Variants in PPP2R2B observed in about 807,000 individuals in gnomAD.
PPP2R2B encodes the protein serine/threonine-protein phosphatase 2A 55 kDa regulatory subunit B beta isoform.
Under a neutral mutation model 46.0 loss-of-function variants are expected in PPP2R2B, and 5 were observed. The observed-to-expected ratio is 0.11, with a 90% confidence interval of 0.06 to 0.23. The LOEUF (loss-of-function observed/expected upper bound fraction) is 0.23. Ranked by LOEUF, PPP2R2B falls within the 10% of genes least tolerant of loss-of-function variation. The probability of loss-of-function intolerance (pLI) is 1.00; values close to 1 mark genes in which losing one functional copy is unlikely to be tolerated. For synonymous variants in PPP2R2B, 215 were observed against 206.7 expected, an observed-to-expected ratio of 1.04 and a Z score of -0.34; for missense variants, 367 against 575.0, an observed-to-expected ratio of 0.64 and a Z score of 3.70.
intron 1 of PPP2R2B, among the ~76,000 whole-genome samples, chr5:146,931,684 G>A (rs1005052238): frequency 6.6e-6 from 1 of 152,172 alleles, no homozygotes; most frequent in African/African-American, 2.4e-5. Flanking sequence ...CTGGGGATAA[G>A]TTGGGTGGGT....
At chr5:147,059,113 G>T (rs1445468498), upstream of PPP2R2B, among the ~76,000 whole-genome samples, 2 of 152,128 alleles carry the variant, frequency 1.3e-5, no homozygotes, top group South Asian at 4.1e-4. Flanking sequence ...GATATATCAG[G>T]CTGAGTGATG....
At chr5:146,765,649 A>G (rs1754432169) in intron 2 of PPP2R2B, among the ~76,000 whole-genome samples, 15 of 152,264 alleles carry the variant, frequency 9.9e-5, no homozygotes, top group Admixed American at 9.8e-4. Flanking sequence ...TGGCTCAAAT[A>G]CTTTTATCCA....
At chr5:147,038,386 C>T (rs1159439447) in intron 1 of PPP2R2B, among the ~76,000 whole-genome samples, 1 of 152,016 alleles carries the variant, frequency 6.6e-6, no homozygotes, top group Non-Finnish European at 1.5e-5. Flanking sequence ...TCTCCAGGGC[C>T]TAGAATCAAT....
intron 1 of PPP2R2B, among the ~76,000 whole-genome samples, chr5:146,925,852 C>T (rs1763766052): frequency 6.6e-6 from 1 of 152,096 alleles, no homozygotes. Context: ...TCACCATTCT[C>T]TAGATTGAGT....
chr5:146,599,087 T>C (rs1221932025), intron 8 of PPP2R2B, among the ~76,000 whole-genome samples: 2 of 152,198 alleles, frequency 1.3e-5, no homozygotes, highest in Non-Finnish European at 2.9e-5. Flanking sequence ...TCTCCAGCAC[T>C]TGATCTTTGC....
At chr5:146,820,992 A>G (rs1204974289) in intron 2 of PPP2R2B, among the ~76,000 whole-genome samples, 1 of 152,128 alleles carries the variant, frequency 6.6e-6, no homozygotes, top group Non-Finnish European at 1.5e-5. Flanking sequence ...AGATTAGTGC[A>G]TCGCCTTCTA....
chr5:146,815,462 T>C (rs771712226), intron 2 of PPP2R2B, among the ~76,000 whole-genome samples: 1 of 152,228 alleles, frequency 6.6e-6, no homozygotes, highest in Non-Finnish European at 1.5e-5. Context: ...AGCATCTGAA[T>C]GAATAAATGA....
intron 7 of PPP2R2B, among the ~76,000 whole-genome samples, chr5:146,635,734 TAG>T (rs1774774119): frequency 6.6e-6 from 1 of 152,186 alleles, no homozygotes; most frequent in African/African-American, 2.4e-5. Context: ...GGGAGAGAGT[TAG>T]AGACTTTCCA....
At chr5:146,829,290 C>T (rs1758774601) in intron 2 of PPP2R2B, among the ~76,000 whole-genome samples, 1 of 152,138 alleles carries the variant, frequency 6.6e-6, no homozygotes, top group Non-Finnish European at 1.5e-5. Context: ...ATCTGTGACT[C>T]ATTGGTAAAT....
In PPP2R2B at chr5:146,983,176, A is replaced by ATTTTTTTTTT. The variant is rs745692719; in HGVS notation, c.79+72479_79+72488dup. On this transcript the variant is annotated intron_variant, in intron 1 of 8. Coordinates refer to the PPP2R2B transcript ENST00000336640. ...GTTTATCTATCGTGTTTTCCAGAGC[A>ATTTTTTTTTT]TTTTTTTTTTTTTTTTTTTTTTGAG... 1.0e-3 allele frequency among the ~76,000 whole-genome samples: 84 copies of ATTTTTTTTTT among 80,878 alleles called. 7 individuals carry two copies. Among genetic ancestry groups the ATTTTTTTTTT allele is most frequent in the Non-Finnish European group, 1.3e-3 (57 of 45,402 alleles). 53.1% of individuals were successfully genotyped at this position (80,878 alleles called of 152,430 possible).
intron 1 of PPP2R2B, among the ~76,000 whole-genome samples, chr5:146,917,650 AAT>A (rs1763440834): frequency 6.6e-6 from 1 of 152,182 alleles, no homozygotes; most frequent in South Asian, 2.1e-4. Flanking sequence ...CAAATAAATA[AAT>A]ATGTATCTTC....
At chr5:146,905,643 A>G (rs1762972331) in intron 1 of PPP2R2B, among the ~76,000 whole-genome samples, 2 of 152,256 alleles carry the variant, frequency 1.3e-5, no homozygotes, top group Admixed American at 1.3e-4. Flanking sequence ...ACATCTATAC[A>G]ATGTAATACT....
In PPP2R2B at chr5:146,935,675, G is replaced by A. The variant is rs143714909; in HGVS notation, c.79+119990C>T. Among the ~76,000 whole-genome samples, 614 of 152,184 alleles carry A rather than the reference G, an allele frequency of 4.0e-3. 4 individuals are homozygous for A. The highest frequency in any genetic ancestry group is 6.3e-3 in the Non-Finnish European group (430 of 67,990). On this transcript the variant is annotated intron_variant, in intron 1 of 8. Coordinates refer to the PPP2R2B transcript ENST00000336640. ...CAGGTAAAGGAGGATTGAAAGTAAA[G>A]AGGGCAAGAAAAGAGAAAAAAAGTT...
In PPP2R2B at chr5:146,664,131, C is replaced by T. The variant is rs1049526281; in HGVS notation, c.448-13407G>A. Among the ~76,000 whole-genome samples, 16 of 152,242 alleles carry T rather than the reference C, an allele frequency of 1.1e-4. 1 individual carries two copies. The highest frequency in any genetic ancestry group is 4.2e-4 in the South Asian group (2 of 4,818). ...CTGGGATTACAGGCATGAGCCACCG[C>T]GCCTGGCTGGCTGTTGCAATTTTTA... On this transcript the variant is annotated intron_variant, in intron 5 of 9. Transcript: ENST00000394411.
rs1179706028 is a variant in PPP2R2B at position 146,586,731 on chromosome 5, A to G, written c.*3216T>C. The stretch of plus-strand genomic sequence containing the variant: ...GAGGTTTAAAGGTGCTTTTTTTTCA[A>G]TGGAAGAGTAAAGGCAGGAGCCAAA... On this transcript the variant is annotated 3_prime_UTR_variant, in exon 10 of 10. Transcript: ENST00000394411. 1 of 152,088 alleles carries G rather than the reference A, an allele frequency of 6.6e-6. No individual in the cohort carries two copies. Among genetic ancestry groups the G allele is most frequent in the Non-Finnish European group, 1.5e-5 (1 of 68,014 alleles). 9.4% of individuals were successfully genotyped at this position (152,088 alleles called of 1,614,324 possible). A position where few individuals can be genotyped will look rare whatever the true frequency, so the allele number is the denominator to read the frequency against.
At chr5:146,967,910 G>T (rs1378816653) in intron 1 of PPP2R2B, among the ~76,000 whole-genome samples, 2 of 152,074 alleles carry the variant, frequency 1.3e-5, no homozygotes, top group Admixed American at 1.3e-4. Flanking sequence ...AGCTAGTGAT[G>T]GAAAAGAGGA....
At chr5:146,822,605 C>T (rs1228674955) in intron 2 of PPP2R2B, among the ~76,000 whole-genome samples, 1 of 150,334 alleles carries the variant, frequency 6.7e-6, no homozygotes, top group African/African-American at 2.5e-5. Context: ...ATTTGTTTAC[C>T]ACCCACTCTC....
chr5:146,620,036 T>A (rs79014757), intron 7 of PPP2R2B, among the ~76,000 whole-genome samples: 2,723 of 152,254 alleles, frequency 0.018, 69 homozygotes, highest in African/African-American at 0.062. Context: ...CCGGGCACCA[T>A]CTAGGGTAAG....
At chr5:146,857,325 C>T (rs936166193) in intron 2 of PPP2R2B, among the ~76,000 whole-genome samples, 8 of 151,920 alleles carry the variant, frequency 5.3e-5, no homozygotes, top group African/African-American at 9.7e-5. Context: ...TCAAAATAAA[C>T]GTGTAAGATT....
Sources: gnomAD v4.1 joint callset for allele counts (sites outside exome capture counted in the v4.1 genomes callset) on GRCh38, gnomAD v4.1.1 for gene constraint, MANE v1.5 for transcripts, NCBI Gene and HGNC (gene_info 2026-07-23, HGNC 2026-07-21) for gene names.